The following FILIP1L variants were observed in gnomAD, a reference collection of about 807,000 sequenced individuals.
FILIP1L encodes filamin A-interacting protein 1-like.
Under a neutral mutation model 96.6 loss-of-function variants are expected in FILIP1L, and 55 were observed. The observed-to-expected ratio is 0.57, with a 90% CI of 0.46 to 0.71. The LOEUF (loss-of-function observed/expected upper bound fraction) is 0.71. Ranked by LOEUF, FILIP1L falls within the 30% of genes least tolerant of loss-of-function variation. The pLI is 0.00. For missense variants in FILIP1L, 1,304 were observed against 1,321.2 expected, an observed-to-expected ratio of 0.99 and a Z score of 0.20; for synonymous variants, 467 against 473.9, an observed-to-expected ratio of 0.99 and a Z score of 0.19.
chr3:99,951,957 C>T lies in FILIP1L; in HGVS notation c.-10-20927G>A, dbSNP rs79670006. 2.6e-4 allele frequency among the ~76,000 whole-genome samples: 39 copies of T among 152,268 alleles called. No individual in the cohort carries two copies. The East Asian group carries it at 5.0e-3, about 20-fold the overall frequency. On this transcript the variant is annotated intron_variant, in intron 1 of 5. Coordinates refer to ENST00000477258, the MANE Select transcript of FILIP1L (RefSeq NM_001387850.1). ...GGTTCTGAAGTAATAGTGAGAGAAC[C>T]TATAAGTAAGTCAATCTGCAAGAAT...
At chr3:100,010,778 A>ATTTTTTTTTTTTTTTTTTTTT (rs11371196) in intron 1 of FILIP1L, among the ~76,000 whole-genome samples, 1 of 93,676 alleles carries the variant, frequency 1.1e-5, no homozygotes, top group African/African-American at 4.4e-5. Context: ...CCACGCCCGG[A>ATTTTTTTTTTTTTTTTTTTTT]TTTTTTTTTT....
intron 1 of FILIP1L, among the ~76,000 whole-genome samples, chr3:99,963,638 G>T (rs1708559342): frequency 6.6e-6 from 1 of 151,606 alleles, no homozygotes; most frequent in Non-Finnish European, 1.5e-5. Flanking sequence ...TTTAGACGGA[G>T]TGTCGCTCTG....
chr3:100,091,284 C>CAAAAAAA (rs570908389), intron 1 of FILIP1L, among the ~76,000 whole-genome samples: 7 of 59,012 alleles, frequency 1.2e-4, no homozygotes, highest in Admixed American at 1.7e-4. Flanking sequence ...GACTCCGTCT[C>CAAAAAAA]AAAAAAAAAA....
chr3:100,109,507 A>G (rs1397777527), intron 1 of FILIP1L, among the ~76,000 whole-genome samples: 2 of 152,138 alleles, frequency 1.3e-5, no homozygotes, highest in Non-Finnish European at 2.9e-5. Context: ...AGCTGTTGGC[A>G]ACCACTGATG....
chr3:99,945,355 C>G (rs1002217920), intron 1 of FILIP1L, among the ~76,000 whole-genome samples: 22 of 152,122 alleles, frequency 1.4e-4, no homozygotes, highest in African/African-American at 5.3e-4. Flanking sequence ...ATCTGGACCT[C>G]AGACTCTCTG....
At chr3:100,077,728 G>A (rs1427396189) in intron 1 of FILIP1L, among the ~76,000 whole-genome samples, 4 of 152,114 alleles carry the variant, frequency 2.6e-5, no homozygotes, top group African/African-American at 9.7e-5. Context: ...TGGGCAACAT[G>A]GCAAGACCCT....
rs74343709 is a variant in FILIP1L at position 99,979,753 on chromosome 3, G to A, written c.-10-48723C>T. Reference sequence around the variant, plus strand: ...TGATAATATTCATGGCATTGCTCTAGTATTGTAAGGATATAAAGAGGAATG... The same window carrying A: ...TGATAATATTCATGGCATTGCTCTAATATTGTAAGGATATAAAGAGGAATG... On this transcript the variant is annotated intron_variant, in intron 1 of 5. Transcript: ENST00000477258. Among the ~76,000 whole-genome samples the A allele has an allele frequency of 4.3e-3, 656 of 152,228 alleles. 7 individuals are homozygous for A. The highest frequency in any genetic ancestry group is 0.015 in the African/African-American group (643 of 41,540).
Position 99,849,746 on chromosome 3 carries a change from C to T in FILIP1L, c.1930G>A (p.Ala644Thr). ...RLKLKLKDMK[A>T]IEDDLMKTED... ...GTTTTCATGAGGTCATCCTCAATGG[C>T]TTTCATGTCCTTTAGCTTCAGTTTC... The change falls in exon 5 of 6, where the codon GCC (alanine) becomes ACC (threonine). Residue 644 changes from alanine (A) to threonine (T), a missense_variant. By Grantham distance (58) the Ala-to-Thr change is moderately conservative. Transcript: ENST00000477258. The T allele has an allele frequency of 6.2e-7, 1 of 1,613,758 alleles. No individual in the cohort carries two copies. The highest frequency in any genetic ancestry group is 8.5e-7 in the Non-Finnish European group (1 of 1,180,002).
intron 1 of FILIP1L, chr3:100,025,406 T>A (rs951991829): frequency 6.6e-6 from 1 of 152,228 alleles, no homozygotes; most frequent in African/African-American, 2.4e-5. Flanking sequence ...ATCACTTTCC[T>A]TCTTCTCTTC....
intron 5 of FILIP1L, among the ~76,000 whole-genome samples, chr3:99,839,504 A>G (rs1342155146): frequency 6.6e-6 from 1 of 152,178 alleles, no homozygotes; most frequent in African/African-American, 2.4e-5. Context: ...TCTAAACAGT[A>G]GAGAGTTATC....
At chr3:100,026,190 G>A (rs560296768) in intron 1 of FILIP1L, among the ~76,000 whole-genome samples, 8 of 152,118 alleles carry the variant, frequency 5.3e-5, no homozygotes, top group African/African-American at 1.4e-4. Context: ...GCTGTAGCAG[G>A]TATCCTTTTT....
chr3:99,888,661 G>A (rs1217714451), intron 4 of FILIP1L, among the ~76,000 whole-genome samples: 1 of 152,166 alleles, frequency 6.6e-6, no homozygotes, highest in East Asian at 1.9e-4. Flanking sequence ...TATACTGGCT[G>A]TGGAAGGTAA....
chr3:100,073,093 CT>C (rs1334827405), intron 1 of FILIP1L, among the ~76,000 whole-genome samples: 1 of 152,122 alleles, frequency 6.6e-6, no homozygotes, highest in African/African-American at 2.4e-5. Flanking sequence ...CATCATGTTT[CT>C]TTCATCTGCC....
intron 1 of FILIP1L, among the ~76,000 whole-genome samples, chr3:100,110,627 G>A (rs2066475033): frequency 6.6e-6 from 1 of 152,116 alleles, no homozygotes; most frequent in Admixed American, 6.6e-5. Flanking sequence ...GCTAATAATA[G>A]ACAATACTAG....
chr3:99,955,790 A>G (rs1708304137), intron 1 of FILIP1L, among the ~76,000 whole-genome samples: 1 of 152,194 alleles, frequency 6.6e-6, no homozygotes. Flanking sequence ...CTGGAAGGAA[A>G]TAAGATGGAA....
At position 99,849,384 on chromosome 3, in the gene FILIP1L, A is replaced by G. The variant is rs1310669661; in HGVS notation, c.2292T>C (p.Ile764=). ...TCTCTAACTCCTTAGTGAGGTTTTC[A>G]ATCTCTCTTCCTAAATCTCTGTTCC... is the stretch of plus-strand genomic sequence containing the variant. ...ENRNRDLGRE[I]ENLTKELERY... is the part of the protein sequence containing the mutation. The change falls in exon 5 of 6, where the codon ATT becomes ATC. Residue 764 remains isoleucine, a synonymous_variant. Transcript: ENST00000477258. The G allele has an allele frequency of 6.2e-7, 1 of 1,614,086 alleles. No individual in the cohort carries two copies. The highest frequency in any genetic ancestry group is 8.5e-7 in the Non-Finnish European group (1 of 1,180,008).
At chr3:100,073,750 G>A (rs1460213984) in intron 1 of FILIP1L, among the ~76,000 whole-genome samples, 2 of 152,164 alleles carry the variant, frequency 1.3e-5, no homozygotes, top group Non-Finnish European at 2.9e-5. Context: ...GCAGAGTAGG[G>A]TGTGTGCCGG....
At chr3:99,951,772 A>G (rs998615839) in intron 1 of FILIP1L, among the ~76,000 whole-genome samples, 7 of 152,224 alleles carry the variant, frequency 4.6e-5, no homozygotes, top group Non-Finnish European at 8.8e-5. Context: ...GGAGCCAAAC[A>G]GTAAATATTT....
At position 99,930,925 on chromosome 3, in the gene FILIP1L, C is replaced by G; in HGVS notation, c.96G>C (p.Lys32Asn). Reference sequence around the variant, plus strand: ...GGGAGTCTTTGTCTTGCTGTCTATGCTTCATGTTTTTAGGCCCTTGGAAAC... The same window carrying G: ...GGGAGTCTTTGTCTTGCTGTCTATGGTTCATGTTTTTAGGCCCTTGGAAAC... ...GHSFQGPKNM[K>N]HRQQDKDSPS... is the part of the protein sequence containing the mutation. The change falls in exon 2 of 6, where the codon AAG (lysine) becomes AAC (asparagine). Residue 32 changes from lysine (K) to asparagine (N), a missense_variant. By Grantham distance (94) the Lys-to-Asn change is moderately conservative. Coordinates refer to ENST00000477258, the MANE Select transcript of FILIP1L (RefSeq NM_001387850.1). The G allele has an allele frequency of 2.5e-6, 4 of 1,613,554 alleles. No individual in the cohort carries two copies. Among genetic ancestry groups the G allele is most frequent in the Non-Finnish European group, 3.4e-6 (4 of 1,179,898 alleles).
Sources: allele counts gnomAD v4.1 joint callset (sites outside exome capture counted in the v4.1 genomes callset), GRCh38; gene constraint gnomAD v4.1.1; transcripts MANE v1.5; gene names NCBI Gene and HGNC (gene_info 2026-07-23, HGNC 2026-07-21).